Variants in SLC8A1 observed in about 807,000 individuals in gnomAD.
SLC8A1 encodes the protein sodium/calcium exchanger 1.
SLC8A1 carries 18 observed loss-of-function variants against 68.3 expected under a neutral mutation model. The observed-to-expected ratio is 0.26, with a 90% CI of 0.18 to 0.39. The LOEUF (loss-of-function observed/expected upper bound fraction) is 0.39, where lower values mean the gene tolerates loss of function less well. Ranked by LOEUF, SLC8A1 falls within the 10% of genes least tolerant of loss-of-function variation. SLC8A1 has a pLI of 1.00. For missense variants in SLC8A1, 985 were observed against 1,156.7 expected, an observed-to-expected ratio of 0.85 and a Z score of 2.15; for synonymous variants, 475 against 415.5, an observed-to-expected ratio of 1.14 and a Z score of -1.74.
chr2:40,383,867 G>A (rs776886453), intron 2 of SLC8A1, among the ~76,000 whole-genome samples: 2 of 152,068 alleles, frequency 1.3e-5, no homozygotes, highest in Non-Finnish European at 2.9e-5. Context: ...AGAAATTTTA[G>A]AGATACAATG....
chr2:40,215,270 A>G (rs1204981942), intron 2 of SLC8A1, among the ~76,000 whole-genome samples: 1 of 152,074 alleles, frequency 6.6e-6, no homozygotes, highest in African/African-American at 2.4e-5. Flanking sequence ...GACTCAAGCT[A>G]TCTTCCTGCT....
At chr2:40,208,830 C>T (rs1321499614) in intron 2 of SLC8A1, among the ~76,000 whole-genome samples, 1 of 152,038 alleles carries the variant, frequency 6.6e-6, no homozygotes, top group Non-Finnish European at 1.5e-5. Flanking sequence ...CTTTAATGCA[C>T]TTTAAAGAAT....
chr2:40,504,234 C>A (rs1011536154), intron 1 of SLC8A1, among the ~76,000 whole-genome samples: 2 of 151,918 alleles, frequency 1.3e-5, no homozygotes, highest in Non-Finnish European at 2.9e-5. Flanking sequence ...GTAAATAGGC[C>A]TAGGAAAACT....
intron 2 of SLC8A1, among the ~76,000 whole-genome samples, chr2:40,395,401 ACAAT>A (rs1432799443): frequency 6.6e-6 from 1 of 152,122 alleles, no homozygotes; most frequent in Admixed American, 6.5e-5. Context: ...CCCTCTTATG[ACAAT>A]GGTCTGTGCT....
At chr2:40,365,767 G>A (rs78196014) in intron 2 of SLC8A1, among the ~76,000 whole-genome samples, 2,316 of 152,088 alleles carry the variant, frequency 0.015, 54 homozygotes, top group African/African-American at 0.053. Context: ...TTGGGAAACT[G>A]AAGTAGGAGG....
intron 2 of SLC8A1, among the ~76,000 whole-genome samples, chr2:40,419,208 G>T (rs1028704185): frequency 5.3e-5 from 8 of 152,156 alleles, no homozygotes; most frequent in Non-Finnish European, 1.0e-4. Flanking sequence ...AATGAATAGG[G>T]CCCAGCCCTT....
At chr2:40,287,463 A>G (rs2068502372) in intron 2 of SLC8A1, among the ~76,000 whole-genome samples, 1 of 152,120 alleles carries the variant, frequency 6.6e-6, no homozygotes. Flanking sequence ...ATGCAAACTC[A>G]TGATGTTCTA....
chr2:40,475,454 A>C (rs977148165), intron 1 of SLC8A1, among the ~76,000 whole-genome samples: 1 of 152,076 alleles, frequency 6.6e-6, no homozygotes. Context: ...TTGAGGACCC[A>C]AAAAACTTTT....
intron 1 of SLC8A1, among the ~76,000 whole-genome samples, chr2:40,509,715 C>T (rs2149945873): frequency 6.6e-6 from 1 of 152,212 alleles, no homozygotes; most frequent in South Asian, 2.1e-4. Flanking sequence ...AACCTGTGCT[C>T]CATGCTATTT....
At chr2:40,377,586 A>G (rs1263637526) in intron 2 of SLC8A1, among the ~76,000 whole-genome samples, 1 of 152,084 alleles carries the variant, frequency 6.6e-6, no homozygotes, top group Non-Finnish European at 1.5e-5. Context: ...CTCAAAGTGA[A>G]TCTACACACA....
At chr2:40,442,105 C>T (rs996851014) in intron 1 of SLC8A1, among the ~76,000 whole-genome samples, 5 of 148,392 alleles carry the variant, frequency 3.4e-5, no homozygotes, top group African/African-American at 1.2e-4. Context: ...TGCTAAATGA[C>T]GAGTTAATGC....
At chr2:40,157,754 C>A (rs770021707) in intron 6 of SLC8A1, among the ~76,000 whole-genome samples, 1 of 152,156 alleles carries the variant, frequency 6.6e-6, no homozygotes, top group Non-Finnish European at 1.5e-5. Flanking sequence ...GTTTTGACAG[C>A]CATTGAACTG....
At chr2:40,440,313 G>A (rs957161803) in intron 1 of SLC8A1, among the ~76,000 whole-genome samples, 8 of 152,116 alleles carry the variant, frequency 5.3e-5, no homozygotes, top group African/African-American at 1.9e-4. Flanking sequence ...TATCACAAAG[G>A]TGGTCCTAAA....
chr2:40,097,543 A>G (rs1228357133), exon 8 of SLC8A1: 1 of 152,012 alleles, frequency 6.6e-6, no homozygotes, highest in Admixed American at 6.6e-5. Context: ...AGACATTTCA[A>G]ATTACAACAT....
chr2:40,363,181 A>C (rs548040402), intron 2 of SLC8A1, among the ~76,000 whole-genome samples: 98 of 152,248 alleles, frequency 6.4e-4, no homozygotes, highest in Non-Finnish European at 6.5e-4. Flanking sequence ...ATCATTTTTC[A>C]CCATATAAGT....
intron 2 of SLC8A1, among the ~76,000 whole-genome samples, chr2:40,284,086 A>G (rs566571286): frequency 6.6e-6 from 1 of 152,048 alleles, no homozygotes; most frequent in Non-Finnish European, 1.5e-5. Flanking sequence ...TAAAAAACCT[A>G]TTTCTTATCT....
At chr2:40,143,738 G>A (rs892713849) in intron 6 of SLC8A1, among the ~76,000 whole-genome samples, 8 of 152,148 alleles carry the variant, frequency 5.3e-5, no homozygotes, top group Non-Finnish European at 8.8e-5. Flanking sequence ...CATGACTGAC[G>A]GTGAAAGACA....
intron 1 of SLC8A1, among the ~76,000 whole-genome samples, chr2:40,488,341 C>A (rs1007127011): frequency 1.3e-4 from 20 of 151,850 alleles, no homozygotes; most frequent in African/African-American, 4.8e-4. Context: ...AGGGAATTAC[C>A]GTGCCATAGA....
At chr2:40,352,792 G>A (rs985573625) in intron 2 of SLC8A1, among the ~76,000 whole-genome samples, 1 of 152,136 alleles carries the variant, frequency 6.6e-6, no homozygotes, top group Admixed American at 6.5e-5. Context: ...GTGGCTTTAA[G>A]TTAACACCAG....
Sources: gnomAD v4.1 joint callset for allele counts (sites outside exome capture counted in the v4.1 genomes callset) on GRCh38, gnomAD v4.1.1 for gene constraint, MANE v1.5 for transcripts, NCBI Gene and HGNC (gene_info 2026-07-23, HGNC 2026-07-21) for gene names.